Variants in RIN3 observed in about 807,000 individuals in gnomAD.
RIN3 encodes the protein Ras and Rab interactor 3, also known as RAB5 interacting protein 3.
A neutral mutation model predicts 76.3 loss-of-function variants in RIN3; 54 were observed. That is an observed-to-expected ratio of 0.71 (90% CI 0.57 to 0.89). The LOEUF is 0.89. RIN3 is among the 40% of genes least tolerant of loss of function. The pLI, the probability that RIN3 is intolerant of heterozygous loss-of-function variation, is 0.00. For missense variants in RIN3, 1,256 were observed against 1,322.1 expected (o/e 0.95, Z 0.78); for synonymous variants, 576 against 564.0 (o/e 1.02, Z -0.30).
chr14:92,558,887 CTT>C (rs61202055), intron 2 of RIN3, among the ~76,000 whole-genome samples: 8 of 130,726 alleles, frequency 6.1e-5, no homozygotes, highest in Non-Finnish European at 7.9e-5. Context: ...CTTTTCTTTT[CTT>C]TTTTTTTTTT....
At chr14:92,604,952 G>A (rs1751252683) in intron 3 of RIN3, among the ~76,000 whole-genome samples, 1 of 119,912 alleles carries the variant, frequency 8.3e-6, no homozygotes. Flanking sequence ...TGAGATGGAG[G>A]GAGTCTCCCT....
chr14:92,649,664 C>A (rs570610860), intron 5 of RIN3, among the ~76,000 whole-genome samples: 174 of 152,296 alleles, frequency 1.1e-3, no homozygotes, highest in African/African-American at 3.7e-3. Context: ...AGCAAAGGGC[C>A]CTGGCAGTCA....
chr14:92,552,279 C>G (rs1022367904), intron 1 of RIN3, among the ~76,000 whole-genome samples: 10 of 152,204 alleles, frequency 6.6e-5, no homozygotes, highest in Non-Finnish European at 1.0e-4. Context: ...AGAGCAGCAG[C>G]CTCGTGCTTC....
intron 4 of RIN3, among the ~76,000 whole-genome samples, chr14:92,618,704 G>A (rs1481963738): frequency 6.6e-6 from 1 of 152,192 alleles, no homozygotes; most frequent in African/African-American, 2.4e-5. Context: ...GTGACCAATT[G>A]TACCTGAAGC....
At chr14:92,549,398 C>G (rs10131571) in intron 1 of RIN3, among the ~76,000 whole-genome samples, 1 of 152,022 alleles carries the variant, frequency 6.6e-6, no homozygotes, top group Non-Finnish European at 1.5e-5. Flanking sequence ...AAGCCGGAAC[C>G]CTGTGAAGCT....
At chr14:92,544,019 A>AC (rs1316267194) in intron 1 of RIN3, among the ~76,000 whole-genome samples, 6 of 149,318 alleles carry the variant, frequency 4.0e-5, no homozygotes, top group East Asian at 3.9e-4. Context: ...AAGCCTCCCC[A>AC]CCCCCCCATC....
chr14:92,568,534 A>G lies in RIN3; in HGVS notation c.250-8826A>G, dbSNP rs1897975651. 6.6e-6 allele frequency among the ~76,000 whole-genome samples: 1 copy of G among 152,228 alleles called. No homozygotes were observed. Among genetic ancestry groups the G allele is most frequent in the African/African-American group, 2.4e-5 (1 of 41,456 alleles). ...TAGCTCAGCAGCTAAACCTCCCCAG[A>G]GAGGAACAGAACAGACCCTCTGATT... is the stretch of plus-strand genomic sequence containing the variant. On this transcript the variant is annotated intron_variant, in intron 2 of 9. Transcript: ENST00000216487. This position sits in a 1 kb window ranked among gnomAD's most constrained non-coding sequence, Gnocchi z 4.2.
chr14:92,518,366 G>C (rs948727462), intron 1 of RIN3, among the ~76,000 whole-genome samples: 6 of 152,204 alleles, frequency 3.9e-5, no homozygotes, highest in Non-Finnish European at 7.3e-5. Flanking sequence ...CTTTTCTTTT[G>C]TGTCCCTGGA....
At chr14:92,667,099 G>A (rs922134614) in intron 7 of RIN3, among the ~76,000 whole-genome samples, 1 of 152,100 alleles carries the variant, frequency 6.6e-6, no homozygotes, top group African/African-American at 2.4e-5. Context: ...GGAATTGGAT[G>A]GGAGGGGGGC....
At chr14:92,545,097 C>A (rs1185596436) in intron 1 of RIN3, among the ~76,000 whole-genome samples, 3 of 138,858 alleles carry the variant, frequency 2.2e-5, no homozygotes, top group Non-Finnish European at 4.6e-5. Context: ...TTTCTTTTAA[C>A]TTTCTGGTGT....
Position 92,513,835 on chromosome 14 carries a change from A to T in RIN3, c.-98A>T. 2.4e-6 allele frequency: 2 copies of T among 823,752 alleles called. No individual in the cohort carries two copies. Among genetic ancestry groups the T allele is most frequent in the Non-Finnish European group, 3.2e-6 (2 of 617,312 alleles). The allele number at this position is 823,752 out of a possible 1,614,324, so 51.0% of individuals were successfully genotyped here. The stretch of plus-strand genomic sequence containing the variant: ...GGCAGCGGCGGCCTGGCCCTTCCAG[A>T]GGGCCAGAGCCAGGGACATGCGGGC... On this transcript the variant is annotated 5_prime_UTR_variant, in exon 1 of 10. Coordinates refer to ENST00000216487, the MANE Select transcript of RIN3 (RefSeq NM_024832.5).
chr14:92,625,485 T>G (rs1886320229), intron 4 of RIN3, among the ~76,000 whole-genome samples: 1 of 152,192 alleles, frequency 6.6e-6, no homozygotes, highest in East Asian at 1.9e-4. Flanking sequence ...AACCACATTA[T>G]TAGCTGTTGC....
chr14:92,561,044 A>ATATATATAAATATATATAT (rs1410361225), intron 2 of RIN3, among the ~76,000 whole-genome samples: 1 of 24,398 alleles, frequency 4.1e-5, no homozygotes, highest in African/African-American at 1.3e-4. Context: ...AAAAAAAAAA[A>ATATATATAAATATATATAT]ATATATATAT....
intron 7 of RIN3, among the ~76,000 whole-genome samples, chr14:92,665,005 A>G (rs1032389005): frequency 5.3e-5 from 8 of 152,204 alleles, no homozygotes; most frequent in African/African-American, 1.9e-4. Flanking sequence ...GGAATATCTC[A>G]TATCTGTGGC....
chr14:92,611,418 T>G (rs1885731209), intron 3 of RIN3, among the ~76,000 whole-genome samples: 2 of 152,060 alleles, frequency 1.3e-5, no homozygotes, highest in South Asian at 4.1e-4. Flanking sequence ...CTGCTACCAC[T>G]CCTGGCTAAT....
At position 92,514,004 on chromosome 14, in the gene RIN3, C is replaced by G; in HGVS notation, c.44+28C>G. On this transcript the variant is annotated intron_variant, in intron 1 of 9. Coordinates refer to ENST00000216487, the MANE Select transcript of RIN3 (RefSeq NM_024832.5). This position sits in a 1 kb window ranked among gnomAD's most constrained non-coding sequence, Gnocchi z 7.2. ...AAGTCCGGGCGGCCGCCCCCTCCTC[C>G]CTCGCGATCCCCACGGCCCGCGTCC... The G allele has an allele frequency of 1.6e-6, 2 of 1,226,950 alleles. No individual in the cohort carries two copies. Among genetic ancestry groups the G allele is most frequent in the Non-Finnish European group, 2.0e-6 (2 of 981,552 alleles). 76.0% of individuals were successfully genotyped at this position (1,226,950 alleles called of 1,614,324 possible). A position where few individuals can be genotyped will look rare whatever the true frequency, so the allele number is the denominator to read the frequency against.
At chr14:92,546,947 C>A (rs1004143209) in intron 1 of RIN3, among the ~76,000 whole-genome samples, 1 of 148,208 alleles carries the variant, frequency 6.7e-6, no homozygotes, top group Non-Finnish European at 1.5e-5. Context: ...ATTACCAGCT[C>A]CATTGTACAA....
intron 3 of RIN3, among the ~76,000 whole-genome samples, chr14:92,608,608 C>T (rs1440079754): frequency 6.6e-6 from 1 of 151,906 alleles, no homozygotes; most frequent in Non-Finnish European, 1.5e-5. Flanking sequence ...GATCTTGGCT[C>T]ACTACAACCT....
At chr14:92,577,959 G>A (rs1328932362) in intron 3 of RIN3, among the ~76,000 whole-genome samples, 1 of 152,198 alleles carries the variant, frequency 6.6e-6, no homozygotes, top group African/African-American at 2.4e-5. Context: ...AAAAATCTGG[G>A]CCAGGCTTGA....
Sources: gnomAD v4.1 joint callset for allele counts (sites outside exome capture counted in the v4.1 genomes callset) on GRCh38, gnomAD v4.1.1 for gene constraint, Gnocchi (gnomAD v3.1) non-coding constraint, MANE v1.5 for transcripts, NCBI Gene and HGNC (gene_info 2026-07-23, HGNC 2026-07-21) for gene names.